Variants in SCHIP1 observed in about 807,000 individuals in gnomAD.
SCHIP1 encodes schwannomin-interacting protein 1.
A neutral mutation model predicts 29.7 loss-of-function variants in SCHIP1; 8 were observed. That is an observed-to-expected ratio of 0.27 (90% CI 0.16 to 0.49). The LOEUF (loss-of-function observed/expected upper bound fraction) is 0.49. Ranked by LOEUF, SCHIP1 falls within the 20% of genes least tolerant of loss-of-function variation. SCHIP1 has a pLI of 0.99. For missense variants in SCHIP1, 193 were observed against 294.6 expected, an observed-to-expected ratio of 0.66 and a Z score of 2.52; for synonymous variants, 76 against 94.9, an observed-to-expected ratio of 0.80 and a Z score of 1.16.
chr3:159,798,762 A>C, the SCHIP1 span, among the ~76,000 whole-genome samples: 1 of 152,066 alleles, frequency 6.6e-6, no homozygotes, highest in Non-Finnish European at 1.5e-5. Context: ...TGTCTCAAAA[A>C]ACAAAAACAA....
the SCHIP1 span, among the ~76,000 whole-genome samples, chr3:159,622,169 C>T: frequency 1.3e-5 from 2 of 152,210 alleles, no homozygotes; most frequent in African/African-American, 4.8e-5. Context: ...AGGCTTGAAC[C>T]TAGCAAGCTG....
At chr3:159,721,829 T>TA in the SCHIP1 span, 2 of 393,590 alleles carry the variant, frequency 5.1e-6, no homozygotes, top group Non-Finnish European at 1.0e-5. Flanking sequence ...TATTATTTTT[T>TA]ATTTTAGCAT....
the SCHIP1 span, among the ~76,000 whole-genome samples, chr3:159,735,625 C>G: frequency 6.6e-6 from 1 of 152,166 alleles, no homozygotes; most frequent in Non-Finnish European, 1.5e-5. Context: ...TTGTTTAGGT[C>G]ACTTTAAGAG....
intron 3 of SCHIP1, 133 bp downstream of exon 4, chr3:159,886,457 T>C (rs1007690301): frequency 1.4e-6 from 1 of 732,918 alleles, no homozygotes; most frequent in Non-Finnish European, 2.2e-6. Flanking sequence ...AATTGCATGC[T>C]CCTAAAATTT....
At chr3:159,680,753 T>A in the SCHIP1 span, among the ~76,000 whole-genome samples, 18 of 115,534 alleles carry the variant, frequency 1.6e-4, no homozygotes, top group East Asian at 3.4e-3. Context: ...AATATATGCT[T>A]TGCCTCCTCA....
At chr3:159,820,770 T>C in the SCHIP1 span, among the ~76,000 whole-genome samples, 1 of 152,034 alleles carries the variant, frequency 6.6e-6, no homozygotes, top group Non-Finnish European at 1.5e-5. Flanking sequence ...CAGAAGAAGG[T>C]CTAGGCTAGA....
the SCHIP1 span, among the ~76,000 whole-genome samples, chr3:159,443,448 G>A: frequency 6.6e-6 from 1 of 152,120 alleles, no homozygotes; most frequent in African/African-American, 2.4e-5. Flanking sequence ...GTAATTTCAA[G>A]GTGAAGTCAT....
the SCHIP1 span, among the ~76,000 whole-genome samples, chr3:159,544,336 T>C: frequency 6.6e-6 from 1 of 152,068 alleles, no homozygotes; most frequent in African/African-American, 2.4e-5. Flanking sequence ...TCATGAACAA[T>C]GCTTCAAGAG....
chr3:159,490,171 A>G, the SCHIP1 span, among the ~76,000 whole-genome samples: 5 of 152,218 alleles, frequency 3.3e-5, no homozygotes, highest in Non-Finnish European at 7.4e-5. Context: ...AGAATGTGAA[A>G]TGATCAAGTC....
the SCHIP1 span, among the ~76,000 whole-genome samples, chr3:159,448,376 C>T: frequency 1.3e-5 from 2 of 152,070 alleles, no homozygotes; most frequent in East Asian, 3.9e-4. Flanking sequence ...GAGGCTGAGG[C>T]AGGAGAATTG....
chr3:159,352,782 T>TC, the SCHIP1 span, among the ~76,000 whole-genome samples: 3 of 151,762 alleles, frequency 2.0e-5, no homozygotes, highest in African/African-American at 7.3e-5. Context: ...TTTTTTTTTT[T>TC]ACTTTAACAT....
chr3:159,429,677 T>C, the SCHIP1 span, among the ~76,000 whole-genome samples: 1 of 152,196 alleles, frequency 6.6e-6, no homozygotes, highest in Non-Finnish European at 1.5e-5. Flanking sequence ...ATTGTGTCAC[T>C]CATTTGCAAA....
chr3:159,349,553 C>T, the SCHIP1 span, among the ~76,000 whole-genome samples: 1 of 152,214 alleles, frequency 6.6e-6, no homozygotes, highest in African/African-American at 2.4e-5. Context: ...CACTGCCTAA[C>T]ATGGGTAAAG....
At chr3:159,461,983 G>T in the SCHIP1 span, among the ~76,000 whole-genome samples, 6 of 152,096 alleles carry the variant, frequency 3.9e-5, no homozygotes, top group African/African-American at 1.4e-4. Context: ...GCCGAGGTGG[G>T]CGGATCACCT....
At chr3:159,582,795 C>CAT in the SCHIP1 span, among the ~76,000 whole-genome samples, 5 of 150,358 alleles carry the variant, frequency 3.3e-5, no homozygotes, top group African/African-American at 9.9e-5. Flanking sequence ...TATACACACA[C>CAT]ACACACACAC....
the SCHIP1 span, among the ~76,000 whole-genome samples, chr3:159,309,530 T>A: frequency 2.6e-5 from 4 of 152,172 alleles, no homozygotes; most frequent in African/African-American, 9.6e-5. Context: ...TGCAGAATCA[T>A]GCCCATCTGA....
At chr3:159,724,000 AT>A in the SCHIP1 span, among the ~76,000 whole-genome samples, 947 of 152,308 alleles carry the variant, frequency 6.2e-3, 6 homozygotes, top group Non-Finnish European at 9.0e-3. Flanking sequence ...ATATTGCCAA[AT>A]TGCTACCTGG....
At chr3:159,753,648 G>T in the SCHIP1 span, among the ~76,000 whole-genome samples, 3 of 152,052 alleles carry the variant, frequency 2.0e-5, no homozygotes, top group Non-Finnish European at 4.4e-5. Flanking sequence ...ACCCAGCCTT[G>T]TCCTGACCTA....
the SCHIP1 span, among the ~76,000 whole-genome samples, chr3:159,434,522 G>C: frequency 6.6e-6 from 1 of 152,078 alleles, no homozygotes. Flanking sequence ...ATTCCACTGG[G>C]TTTCCCCTAA....
Sources: gnomAD v4.1 joint callset for allele counts (sites outside exome capture counted in the v4.1 genomes callset) on GRCh38, gnomAD v4.1.1 for gene constraint, MANE v1.5 for transcripts, NCBI Gene and HGNC (gene_info 2026-07-23, HGNC 2026-07-21) for gene names.